Variants in ZNF19 observed in about 807,000 individuals in gnomAD.
ZNF19 encodes the protein zinc finger protein 19.
Under a neutral mutation model 13.1 loss-of-function variants are expected in ZNF19, and 11 were observed. The ratio of observed to expected loss-of-function variants is 0.84; its 90% CI spans 0.53 to 1.39. The LOEUF is 1.39. Among genes scored for constraint, ZNF19 ranks in the 40% most tolerant of loss-of-function variants. ZNF19 has a pLI of 0.00. For synonymous variants in ZNF19, 186 were observed against 187.0 expected (o/e 0.99, Z 0.04); for missense variants, 560 against 547.0 (o/e 1.02, Z -0.24).
intron 1 of ZNF19, among the ~76,000 whole-genome samples, chr16:71,485,177 C>T (rs1011182246): frequency 1.3e-5 from 2 of 152,098 alleles, no homozygotes; most frequent in African/African-American, 4.8e-5. Flanking sequence ...AGGCCAGGCG[C>T]GGTGGCTCAC....
chr16:71,477,622 G>A (rs555648812), intron 5 of ZNF19, among the ~76,000 whole-genome samples: 73 of 152,132 alleles, frequency 4.8e-4, no homozygotes, highest in African/African-American at 1.6e-3. Flanking sequence ...TTTCAGACCT[G>A]CCTTTTATCT....
At chr16:71,486,871 A>G (rs939911481) in intron 1 of ZNF19, among the ~76,000 whole-genome samples, 1 of 152,202 alleles carries the variant, frequency 6.6e-6, no homozygotes, top group South Asian at 2.1e-4. Context: ...TTTTAGAAAC[A>G]TGGGAACCCG....
At chr16:71,479,346 T>C (rs1348934747) in intron 3 of ZNF19, among the ~76,000 whole-genome samples, 2 of 152,232 alleles carry the variant, frequency 1.3e-5, no homozygotes, top group Admixed American at 6.5e-5. Flanking sequence ...CTTTTACTTT[T>C]GTACCTACAG....
chr16:71,476,949 ACTCT>A (rs918120383), intron 5 of ZNF19, among the ~76,000 whole-genome samples: 3 of 152,110 alleles, frequency 2.0e-5, no homozygotes, highest in African/African-American at 7.2e-5. Context: ...ACTGTCCTAG[ACTCT>A]CTATTTGAAA....
Position 71,475,463 on chromosome 16 carries a change from A to C in ZNF19, c.1084T>G (p.Cys362Gly). ...TCCTGAGCACTGAAGGCTTTTCCACAATCTACACAGTCAAAGGGTTTCTCC... is the reference window on the plus strand; with the variant it reads ...TCCTGAGCACTGAAGGCTTTTCCACCATCTACACAGTCAAAGGGTTTCTCC... ...SEEKPFDCVD[C>G]GKAFSAQEQL... The change falls in exon 6 of 6, where the codon TGT becomes GGT. Residue 362 changes from cysteine (C) to glycine (G), a missense_variant. Coordinates refer to ENST00000288177, the MANE Select transcript of ZNF19 (RefSeq NM_006961.4). The C allele has an allele frequency of 1.2e-6, 2 of 1,607,662 alleles. No individual in the cohort carries two copies. The highest frequency in any genetic ancestry group is 1.7e-6 in the Non-Finnish European group (2 of 1,177,394).
At position 71,473,743 on chromosome 16, in the gene ZNF19, C is replaced by G. The variant is rs1339689015; in HGVS notation, c.*1427G>C. 6.6e-6 allele frequency: 1 copy of G among 152,196 alleles called. No homozygotes were observed. Among genetic ancestry groups the G allele is most frequent in the Non-Finnish European group, 1.5e-5 (1 of 68,084 alleles). The allele number at this position is 152,196 out of a possible 1,614,324, so 9.4% of individuals were successfully genotyped here. A position where few individuals can be genotyped will look rare whatever the true frequency, so the allele number is the denominator to read the frequency against. Reference sequence around the variant, plus strand: ...GGGACTACAGGCATGCACCACCACGCCCAGCTAATTCTTGTATTTTTAGTA... The same window carrying G: ...GGGACTACAGGCATGCACCACCACGGCCAGCTAATTCTTGTATTTTTAGTA... On this transcript the variant is annotated 3_prime_UTR_variant, in exon 6 of 6. Coordinates refer to ENST00000288177, the MANE Select transcript of ZNF19 (RefSeq NM_006961.4).
chr16:71,476,157 T>C lies in ZNF19; in HGVS notation c.390A>G (p.Pro130=), dbSNP rs1406290159. ...LKSVPQRTDF[P]ETRNVEKHQD... ...GGTGCTTTTCCACATTACGTGTTTC[T>C]GGGAAGTCAGTTCTCTGAGGGACAC... Residue 130 remains proline (P), a synonymous_variant, in exon 6 of 6, where the codon CCA becomes CCG. Transcript: ENST00000288177. 3 of 1,614,206 alleles carry C rather than the reference T, an allele frequency of 1.9e-6. No individual in the cohort carries two copies. The highest frequency in any genetic ancestry group is 1.7e-5 in the Admixed American group (1 of 60,024).
intron 5 of ZNF19, among the ~76,000 whole-genome samples, chr16:71,477,570 T>C (rs1009241262): frequency 2.6e-5 from 4 of 152,190 alleles, no homozygotes; most frequent in African/African-American, 9.7e-5. Flanking sequence ...CTTCATTTTT[T>C]CTTCCTGGGG....
intron 2 of ZNF19, 114 bp downstream of exon 2, chr16:71,484,474 AG>A: frequency 1.0e-6 from 1 of 978,504 alleles, no homozygotes; most frequent in Non-Finnish European, 1.2e-6. Flanking sequence ...CCGGTCCCGG[AG>A]GGGCCGCCCT....
rs1387926478 is a variant in ZNF19 at position 71,475,985 on chromosome 16, G to A, written c.562C>T (p.Pro188Ser). The A allele has an allele frequency of 6.2e-7, 1 of 1,614,120 alleles. No homozygotes were observed. Among genetic ancestry groups the A allele is most frequent in the Admixed American group, 1.7e-5 (1 of 60,008 alleles). Residue 188 changes from proline to serine, a missense_variant, in exon 6 of 6, where the codon CCT becomes TCT. Physicochemically the swap from Pro to Ser is moderately conservative, Grantham distance 74. Coordinates refer to ENST00000288177, the MANE Select transcript of ZNF19 (RefSeq NM_006961.4). ...RHQRIHTGEK[P>S]FECSECGKAF... ...TTTCCACACTCACTACACTCAAAAG[G>A]TTTCTCCCCAGTGTGGATTCTCTGG... is the stretch of plus-strand genomic sequence containing the variant.
At position 71,475,895 on chromosome 16, in the gene ZNF19, G is replaced by C; in HGVS notation, c.652C>G (p.Gln218Glu). 6.2e-7 allele frequency: 1 copy of C among 1,610,488 alleles called. No individual in the cohort carries two copies. The highest frequency in any genetic ancestry group is 8.5e-7 in the Non-Finnish European group (1 of 1,178,580). The stretch of plus-strand genomic sequence containing the variant: ...AAGGCTCGCCCACACTCCTCACACT[G>C]ATAGGGTCTCTCTCCAGTGTGAATC... ...QRIHTGERPY[Q>E]CEECGRAFND... The change falls in exon 6 of 6, where the codon CAG becomes GAG. Residue 218 changes from glutamine (Q) to glutamate (E), a missense_variant. By Grantham distance (29) the Gln-to-Glu change is conservative. Coordinates refer to ENST00000288177, the MANE Select transcript of ZNF19 (RefSeq NM_006961.4).
At position 71,474,927 on chromosome 16, in the gene ZNF19, G is replaced by GT. The variant is rs1182941806; in HGVS notation, c.*242dup. On this transcript the variant is annotated 3_prime_UTR_variant, in exon 6 of 6. Coordinates refer to ENST00000288177, the MANE Select transcript of ZNF19 (RefSeq NM_006961.4). Reference sequence around the variant, plus strand: ...CTGTGTGGACTTCATTCTCACCTCTGTAAGAGTCTAGTTCTTCTTCTCAGC... The same window carrying GT: ...CTGTGTGGACTTCATTCTCACCTCTGTTAAGAGTCTAGTTCTTCTTCTCAGC... 2.0e-6 allele frequency: 1 copy of GT among 501,882 alleles called. No homozygotes were observed. Among genetic ancestry groups the GT allele is most frequent in the East Asian group, 3.3e-5 (1 of 29,962 alleles). The allele number at this position is 501,882 out of a possible 1,614,324, so 31.1% of individuals were successfully genotyped here.
rs2043587876 is a variant in ZNF19, at chr16:71,474,679, C to T, written c.*491G>A. 1 of 157,496 alleles carries T rather than the reference C, an allele frequency of 6.3e-6. No homozygotes were observed. Among genetic ancestry groups the T allele is most frequent in the African/African-American group, 2.4e-5 (1 of 41,470 alleles). The allele number at this position is 157,496 out of a possible 1,614,324, so 9.8% of individuals were successfully genotyped here. ...GTATGTTATCCCTGAAAACTTCAAA[C>T]AACTGCTACAATGACAACACTGTTT... On this transcript the variant is annotated 3_prime_UTR_variant, in exon 6 of 6. Coordinates refer to ENST00000288177, the MANE Select transcript of ZNF19 (RefSeq NM_006961.4).
At chr16:71,482,291 A>C in intron 2 of ZNF19, 148 bp from the exon 3 acceptor site, 1 of 664,260 alleles carries the variant, frequency 1.5e-6, no homozygotes, top group Non-Finnish European at 2.6e-6. Context: ...TTTAATCCAC[A>C]TCATACCATG....
rs143344553 is a variant in ZNF19 at position 71,484,216 on chromosome 16, G to A, written c.-30+373C>T. On this transcript the variant is annotated intron_variant, in intron 2 of 5. Transcript: ENST00000288177. ...ATTGGGCGGAAAGCTTCCTGGGGGC[G>A]GGGCCCACGCCCCGCCTCATTCACC... is the stretch of plus-strand genomic sequence containing the variant. Among the ~76,000 whole-genome samples the A allele has an allele frequency of 8.5e-4, 129 of 152,344 alleles. 1 individual carries two copies. The highest frequency in any genetic ancestry group is 2.8e-3 in the African/African-American group (118 of 41,574).
intron 3 of ZNF19, among the ~76,000 whole-genome samples, chr16:71,480,839 A>G (rs1375594584): frequency 2.6e-5 from 4 of 152,218 alleles, no homozygotes; most frequent in South Asian, 2.1e-4. Context: ...AGAAGTCCAT[A>G]CTTCAGTGAG....
At position 71,482,086 on chromosome 16, in the gene ZNF19, T is replaced by A. The variant is rs2043640456; in HGVS notation, c.29A>T (p.Tyr10Phe). 1 of 1,613,996 alleles carries A rather than the reference T, an allele frequency of 6.2e-7. No individual in the cohort carries two copies. Among genetic ancestry groups the A allele is most frequent in the African/African-American group, 1.3e-5 (1 of 74,930 alleles). ...CCTCAGGGATCCACAGCTCACCTGGTATTGAGCTTTCAGAGGCATGGCTGC... is the reference window on the plus strand; with the variant it reads ...CCTCAGGGATCCACAGCTCACCTGGAATTGAGCTTTCAGAGGCATGGCTGC... MAAMPLKAQ[Y>F]QEMVTFEDVA... The change falls in exon 3 of 6, where the codon TAC (tyrosine) becomes TTC (phenylalanine). Residue 10 changes from tyrosine to phenylalanine, a missense_variant. Tyr to Phe is a conservative substitution (Grantham distance 22). Coordinates refer to ENST00000288177, the MANE Select transcript of ZNF19 (RefSeq NM_006961.4).
At chr16:71,482,645 G>A (rs2043644939) in intron 2 of ZNF19, among the ~76,000 whole-genome samples, 1 of 152,110 alleles carries the variant, frequency 6.6e-6, no homozygotes, top group African/African-American at 2.4e-5. Context: ...CTCAGCTGGT[G>A]AATGGATGAA....
chr16:71,475,186 G>A lies in ZNF19; in HGVS notation c.1361C>T (p.Thr454Ile). ...AGTGTACTATTACCAGTAAAAGGGG[G>A]TAAAAAATTCTGGGAGGCCAAAACG... ...ICRFGLPEFF[T>I]PFYW The change falls in exon 6 of 6, where the codon ACC becomes ATC. Residue 454 changes from threonine to isoleucine, a missense_variant. Transcript: ENST00000288177. 6.2e-7 allele frequency: 1 copy of A among 1,601,478 alleles called. No individual in the cohort carries two copies. The highest frequency in any genetic ancestry group is 1.7e-4 in the Middle Eastern group (1 of 6,042).
Sources: allele counts gnomAD v4.1 joint callset (sites outside exome capture counted in the v4.1 genomes callset), GRCh38; gene constraint gnomAD v4.1.1; transcripts MANE v1.5; gene names NCBI Gene and HGNC (gene_info 2026-07-23, HGNC 2026-07-21).